The following XIST variants were observed in gnomAD, a reference collection of about 807,000 sequenced individuals.
XIST encodes X inactive specific transcript.
exon 1 of XIST, chrX:73,850,891 G>A (rs1922919239): frequency 3.6e-6 from 2 of 549,754 alleles, no homozygotes; most frequent in South Asian, 2.3e-5. Flanking sequence ...ACAAATAAGA[G>A]GGGACAGAGG....
At position 73,845,834 on chromosome X, in the gene XIST, G is replaced by C. The variant is rs144751659; in HGVS notation, n.6890C>G. On this transcript the variant is annotated non_coding_transcript_exon_variant, in exon 1 of 6. Coordinates refer to ENST00000429829, the Ensembl canonical transcript of XIST. ...CTGGGAGTGGGGGTGGGGGCGGGGG[G>C]AAGGCTTCCTTGTCTAATACACAGG... The C allele has an allele frequency of 1.9e-3, 961 of 498,130 alleles. 13 individuals carry two copies. In the African/African-American group the frequency reaches 0.021, roughly 11 times the overall value. 41.1% of individuals were successfully genotyped at this position (498,130 alleles called of 1,213,427 possible).
At chrX:73,837,017 T>C (rs1417266302) in intron 2 of XIST, among the ~76,000 whole-genome samples, 2 of 111,595 alleles carry the variant, frequency 1.8e-5, no homozygotes, top group African/African-American at 6.5e-5. Context: ...AGAAAAGACA[T>C]CCTGTGCAAA....
exon 6 of XIST, chrX:73,827,485 G>A: frequency 1.9e-6 from 1 of 537,731 alleles, no homozygotes; most frequent in Non-Finnish European, 3.3e-6. Flanking sequence ...AAGAGATGCT[G>A]AGGCACGCAG....
chrX:73,846,442 C>T (rs1017301857), exon 1 of XIST: 38 of 555,208 alleles, frequency 6.8e-5, no homozygotes, highest in Admixed American at 5.8e-4. Context: ...GGATCCCAGA[C>T]GATTATAATC....
intron 4 of XIST, among the ~76,000 whole-genome samples, chrX:73,830,569 A>G (rs1011782258): frequency 3.6e-5 from 4 of 111,613 alleles, no homozygotes; most frequent in African/African-American, 1.3e-4. Flanking sequence ...TCAGGTTTCC[A>G]TTTGTATTTA....
At chrX:73,844,250 T>A in exon 1 of XIST, 1 of 558,911 alleles carries the variant, frequency 1.8e-6, no homozygotes, top group Non-Finnish European at 3.2e-6. Context: ...TTAATTAGGA[T>A]GAACCATGTG....
exon 1 of XIST, chrX:73,845,209 GAAAGGA>G (rs1259427443): frequency 1.8e-6 from 1 of 556,200 alleles, no homozygotes; most frequent in Non-Finnish European, 3.2e-6. Flanking sequence ...TGCCAGAAGG[GAAAGGA>G]AGATTGGGGG....
In XIST at chrX:73,846,083, C is replaced by T. The variant is rs758496689; in HGVS notation, n.6641G>A. 15 of 554,776 alleles carry T rather than the reference C, an allele frequency of 2.7e-5. No individual in the cohort carries two copies. The East Asian group carries it at 2.9e-4, about 11-fold the overall frequency. The allele number at this position is 554,776 out of a possible 1,213,427, so 45.7% of individuals were successfully genotyped here. A position where few individuals can be genotyped will look rare whatever the true frequency, so the allele number is the denominator to read the frequency against. On this transcript the variant is annotated non_coding_transcript_exon_variant, in exon 1 of 6. Transcript: ENST00000429829. The stretch of plus-strand genomic sequence containing the variant: ...CGTCTTATGGAGAGGGCACTCCCTG[C>T]CGGAAGGGAAAGGAAGATTGGGGGT...
At chrX:73,851,926 CA>C (rs760456851) in exon 1 of XIST, 8 of 551,731 alleles carry the variant, frequency 1.4e-5, no homozygotes, top group African/African-American at 1.4e-4. Context: ...TGATCAGCAG[CA>C]AAAAAAAGTG....
At chrX:73,848,940 A>G (rs758654113) in exon 1 of XIST, 3 of 556,972 alleles carry the variant, frequency 5.4e-6, no homozygotes, top group Admixed American at 2.2e-5. Context: ...ACGCAGAACC[A>G]TGAATAATTA....
At chrX:73,846,882 G>A (rs1289122536) in exon 1 of XIST, 2 of 557,405 alleles carry the variant, frequency 3.6e-6, no homozygotes, top group Non-Finnish European at 6.5e-6. Flanking sequence ...AAGCAAAGAG[G>A]GTGTGATAGG....
chrX:73,846,922 T>C (rs777784519), exon 1 of XIST: 10 of 557,712 alleles, frequency 1.8e-5, no homozygotes, highest in East Asian at 6.5e-5. Context: ...TGAAGGACCA[T>C]TGACAACTGC....
intron 5 of XIST, chrX:73,828,083 CAGAA>C (rs1382138267): frequency 2.3e-6 from 1 of 434,342 alleles, no homozygotes; most frequent in Non-Finnish European, 4.0e-6. Context: ...AAAAGCATCA[CAGAA>C]AGATAAAAAA....
chrX:73,842,104 AT>A, exon 1 of XIST: 2 of 537,557 alleles, frequency 3.7e-6, no homozygotes, highest in Admixed American at 2.3e-5. Flanking sequence ...ATAAATGGAT[AT>A]TTTGGCTTCA....
rs138595829 is a variant in XIST at position 73,823,462 on chromosome X, G to A, written n.16439C>T. The A allele has an allele frequency of 0.013, 6,503 of 514,253 alleles. 317 individuals carry two copies. The African/African-American group carries it at 0.13, about 11-fold the overall frequency. 42.4% of individuals were successfully genotyped at this position (514,253 alleles called of 1,213,427 possible). On this transcript the variant is annotated non_coding_transcript_exon_variant, in exon 6 of 6. Transcript: ENST00000429829. ...GATGTTCTTCTATCTTCAGCTGTCA[G>A]TGATCTAATGCCCTCATCTCTCTTA...
At chrX:73,852,252 A>G (rs754888475) in exon 1 of XIST, 1 of 548,676 alleles carries the variant, frequency 1.8e-6, no homozygotes, top group Admixed American at 2.3e-5. Context: ...CCGATGGGCT[A>G]AGGAAAAAAA....
At chrX:73,849,228 A>G (rs771017234) in exon 1 of XIST, 1 of 557,580 alleles carries the variant, frequency 1.8e-6, no homozygotes, top group Non-Finnish European at 3.2e-6. Context: ...GATTCTCCAG[A>G]AGCACAGCAA....
chrX:73,852,185 G>A (rs763460827), exon 1 of XIST: 5 of 540,444 alleles, frequency 9.3e-6, no homozygotes, highest in Admixed American at 7.1e-5. Context: ...CCGTCACCCC[G>A]ATGGGCCAGA....
chrX:73,832,161 C>T (rs1922399391), intron 3 of XIST, among the ~76,000 whole-genome samples: 1 of 111,240 alleles, frequency 9.0e-6, no homozygotes, highest in Non-Finnish European at 1.9e-5. Flanking sequence ...ATGGAGAAAC[C>T]CCGTCTCTAC....
Sources: allele counts gnomAD v4.1 joint callset (sites outside exome capture counted in the v4.1 genomes callset), GRCh38; gene constraint gnomAD v4.1.1; transcripts MANE v1.5; gene names NCBI Gene and HGNC (gene_info 2026-07-23, HGNC 2026-07-21).